LARGE1: variants seen among roughly 807,000 people sequenced by gnomAD.
The protein encoded by LARGE1 is LARGE xylosyl- and glucuronyltransferase 1, also known as xylosyl- and glucuronyltransferase LARGE1.
Under a neutral mutation model 87.6 loss-of-function variants are expected in LARGE1, and 43 were observed. The observed-to-expected ratio is 0.49, with a 90% CI of 0.38 to 0.63. The LOEUF (loss-of-function observed/expected upper bound fraction) is 0.63. LARGE1 is among the 30% of genes least tolerant of loss of function. LARGE1 has a pLI of 0.00. For synonymous variants in LARGE1, 434 were observed against 394.6 expected (o/e 1.10, Z -1.18); for missense variants, 802 against 1,000.2 (o/e 0.80, Z 2.67).
chr22:33,822,591 G>C (rs758009872), intron 1 of LARGE1, among the ~76,000 whole-genome samples: 35 of 152,082 alleles, frequency 2.3e-4, no homozygotes, highest in Admixed American at 2.2e-3. Context: ...CCAGCTACTC[G>C]GGAGGCTGAG....
intron 2 of LARGE1, among the ~76,000 whole-genome samples, chr22:33,748,206 A>G (rs989889803): frequency 1.4e-5 from 2 of 146,574 alleles, no homozygotes; most frequent in Non-Finnish European, 3.0e-5. Flanking sequence ...ATCTCGGCTC[A>G]CTGCAATCTC....
At chr22:33,909,524 T>G (rs570890843) in intron 1 of LARGE1, among the ~76,000 whole-genome samples, 2 of 88,050 alleles carry the variant, frequency 2.3e-5, no homozygotes, top group South Asian at 6.3e-4. Context: ...CTTCTTTTGT[T>G]TTTTTTTTTT....
At position 33,448,900 on chromosome 22, in the gene LARGE1, A is replaced by G. The variant is rs185142690; in HGVS notation, c.788-16635T>C. On this transcript the variant is annotated intron_variant, in intron 6 of 14. Coordinates refer to ENST00000397394, the MANE Select transcript of LARGE1 (RefSeq NM_133642.5). Reference sequence around the variant, plus strand: ...GTCTTCTTGTGCTCTTTTTGGGTCCATCCACTTCCCCACACACCCGCTCCA... The same window carrying G: ...GTCTTCTTGTGCTCTTTTTGGGTCCGTCCACTTCCCCACACACCCGCTCCA... 2.6e-4 allele frequency among the ~76,000 whole-genome samples: 39 copies of G among 152,278 alleles called. No individual in the cohort carries two copies. In the East Asian group the frequency reaches 7.1e-3, roughly 28 times the overall value.
intron 13 of LARGE1, among the ~76,000 whole-genome samples, chr22:33,279,732 T>G (rs573584793): frequency 1.7e-4 from 26 of 152,358 alleles, no homozygotes; most frequent in South Asian, 8.3e-4. Flanking sequence ...GCGGGAGATG[T>G]CAATTTCGGG....
chr22:33,839,960 C>T (rs913315253), intron 1 of LARGE1, among the ~76,000 whole-genome samples: 7 of 152,152 alleles, frequency 4.6e-5, no homozygotes, highest in Non-Finnish European at 8.8e-5. Context: ...GCCCAGGCAC[C>T]TTCTGCTGTA....
intron 2 of LARGE1, chr22:33,750,934 C>G (rs2084292571): frequency 6.6e-6 from 1 of 152,160 alleles, no homozygotes; most frequent in Non-Finnish European, 1.5e-5. Flanking sequence ...AGAAAAGTTT[C>G]ATTCTTAAAA....
chr22:33,083,972 C>T, the LARGE1 span, among the ~76,000 whole-genome samples: 1 of 152,178 alleles, frequency 6.6e-6, no homozygotes, highest in African/African-American at 2.4e-5. Context: ...TCTAATTTGC[C>T]TCTTCAGCCT....
At chr22:33,389,300 T>C (rs2065433491) in intron 7 of LARGE1, among the ~76,000 whole-genome samples, 1 of 152,228 alleles carries the variant, frequency 6.6e-6, no homozygotes, top group Admixed American at 6.5e-5. Flanking sequence ...CAACCATGTT[T>C]ATGCCGTTTC....
the LARGE1 span, among the ~76,000 whole-genome samples, chr22:33,071,579 G>T: frequency 6.6e-6 from 1 of 152,178 alleles, no homozygotes; most frequent in African/African-American, 2.4e-5. Flanking sequence ...TTCAGGCATT[G>T]TACTACACAT....
At chr22:33,346,804 C>T (rs750245025) in intron 9 of LARGE1, among the ~76,000 whole-genome samples, 11 of 152,164 alleles carry the variant, frequency 7.2e-5, no homozygotes, top group Admixed American at 1.3e-4. Flanking sequence ...ACCCAAGATC[C>T]AAGCCAATCA....
At chr22:33,792,516 G>A (rs73170592) in intron 1 of LARGE1, among the ~76,000 whole-genome samples, 3,239 of 152,270 alleles carry the variant, frequency 0.021, 58 homozygotes, top group Middle Eastern at 0.048. Context: ...TTAGCAGCAT[G>A]AGAATGAACT....
chr22:33,096,903 C>T, the LARGE1 span, among the ~76,000 whole-genome samples: 40 of 152,310 alleles, frequency 2.6e-4, no homozygotes, highest in Admixed American at 2.2e-3. Flanking sequence ...TCTATTGACT[C>T]GATGACTGGA....
chr22:33,441,335 A>C lies in LARGE1; in HGVS notation c.788-9070T>G, dbSNP rs574540968. Among the ~76,000 whole-genome samples the C allele has an allele frequency of 2.6e-5, 4 of 151,762 alleles. No individual in the cohort carries two copies. In the East Asian group the frequency reaches 7.8e-4, roughly 30 times the overall value. ...GTGATCCGCCCACCTCGGCCTCCCAAAGTGCTGGGATTACAGACATGAGCC... is the reference window on the plus strand; with the variant it reads ...GTGATCCGCCCACCTCGGCCTCCCACAGTGCTGGGATTACAGACATGAGCC... On this transcript the variant is annotated intron_variant, in intron 6 of 14. Coordinates refer to ENST00000397394, the MANE Select transcript of LARGE1 (RefSeq NM_133642.5).
intron 12 of LARGE1, among the ~76,000 whole-genome samples, chr22:33,290,208 T>C (rs903865703): frequency 2.0e-5 from 3 of 152,082 alleles, no homozygotes; most frequent in African/African-American, 7.2e-5. Flanking sequence ...TCCTTTCCTC[T>C]AGAGGCAGGT....
chr22:33,464,313 C>T (rs1179643059), intron 6 of LARGE1, among the ~76,000 whole-genome samples: 1 of 152,046 alleles, frequency 6.6e-6, no homozygotes, highest in Admixed American at 6.6e-5. Context: ...TTTTATGACC[C>T]CAGGTTTTGG....
rs951475544 is a variant in LARGE1 at position 33,464,849 on chromosome 22, ATACACACACAC to A, written c.788-32595_788-32585del. Reference sequence around the variant, plus strand: ...CACACATGCACACACCCACGCACACATACACACACACTACACACACACTGCACACACATGCA... The same window carrying A: ...CACACATGCACACACCCACGCACACATACACACACACTGCACACACATGCA... On this transcript the variant is annotated intron_variant, in intron 6 of 14. Transcript: ENST00000397394. Among the ~76,000 whole-genome samples, 36 of 149,866 alleles carry A rather than the reference ATACACACACAC, an allele frequency of 2.4e-4. No individual in the cohort carries two copies. The East Asian group carries it at 5.0e-3, about 21-fold the overall frequency.
At position 33,584,103 on chromosome 22, in the gene LARGE1, G is replaced by A. The variant is rs186701578; in HGVS notation, c.616-19084C>T. Among the ~76,000 whole-genome samples, 321 of 152,268 alleles carry A rather than the reference G, an allele frequency of 2.1e-3. 2 individuals carry two copies. Among genetic ancestry groups the A allele is most frequent in the Non-Finnish European group, 3.6e-3 (243 of 68,014 alleles). ...GAAGTGTCAGGCAGAGAAAAGAAGT[G>A]CATTTCTTTCCTTTCTAATAGAAAA... On this transcript the variant is annotated intron_variant, in intron 5 of 14. Coordinates refer to ENST00000397394, the MANE Select transcript of LARGE1 (RefSeq NM_133642.5).
chr22:33,113,905 C>T, the LARGE1 span, among the ~76,000 whole-genome samples: 2 of 149,230 alleles, frequency 1.3e-5, no homozygotes, highest in Non-Finnish European at 3.0e-5. Flanking sequence ...GAGTCTCGCT[C>T]TATCGCCCAG....
At chr22:33,479,855 G>A (rs181362184) in intron 6 of LARGE1, among the ~76,000 whole-genome samples, 7 of 150,754 alleles carry the variant, frequency 4.6e-5, no homozygotes, top group East Asian at 2.0e-4. Context: ...AGCAATTCTC[G>A]TGCCTCAGTC....
Sources: allele counts gnomAD v4.1 joint callset (sites outside exome capture counted in the v4.1 genomes callset), GRCh38; gene constraint gnomAD v4.1.1; transcripts MANE v1.5; gene names NCBI Gene and HGNC (gene_info 2026-07-23, HGNC 2026-07-21).